Variants in SUCLG2 observed in about 807,000 individuals in gnomAD.
SUCLG2 encodes the protein succinate-CoA ligase GDP-forming subunit beta, also known as succinate--CoA ligase [GDP-forming] subunit beta, mitochondrial.
A neutral mutation model predicts 47.9 loss-of-function variants in SUCLG2; 42 were observed. The ratio of observed to expected loss-of-function variants is 0.88; its 90% CI spans 0.69 to 1.14. SUCLG2 has a LOEUF of 1.14. Ranked by LOEUF, SUCLG2 falls within the 50% of genes most tolerant of loss-of-function variation. The probability of loss-of-function intolerance (pLI) is 0.00; values close to 1 mark genes in which losing one functional copy is unlikely to be tolerated. For synonymous variants in SUCLG2, 195 were observed against 197.3 expected (o/e 0.99, Z 0.10); for missense variants, 571 against 525.9 (o/e 1.09, Z -0.84).
chr3:67,590,473 T>C (rs538354961), intron 2 of SUCLG2, among the ~76,000 whole-genome samples: 2 of 152,262 alleles, frequency 1.3e-5, no homozygotes, highest in East Asian at 3.9e-4. Flanking sequence ...CATGAATGGC[T>C]TGATGCCCTC....
chr3:67,391,154 C>A (rs1036798787), intron 10 of SUCLG2, among the ~76,000 whole-genome samples: 1 of 152,268 alleles, frequency 6.6e-6, no homozygotes, highest in South Asian at 2.1e-4. Flanking sequence ...AATTATCCCA[C>A]CCCCTTCATT....
chr3:67,376,410 T>A, intron 10 of SUCLG2: 1 of 985,458 alleles, frequency 1.0e-6, no homozygotes, highest in Non-Finnish European at 1.2e-6. Flanking sequence ...CTGGTGGATC[T>A]GGAGTATCTT....
chr3:67,364,060 G>A (rs1347816142), intron 10 of SUCLG2, among the ~76,000 whole-genome samples: 1 of 152,144 alleles, frequency 6.6e-6, no homozygotes, highest in Non-Finnish European at 1.5e-5. Context: ...GGACCAGGAA[G>A]GGGCAGCCTA....
intron 10 of SUCLG2, among the ~76,000 whole-genome samples, chr3:67,399,618 G>T (rs1272367900): frequency 6.6e-6 from 1 of 150,742 alleles, no homozygotes; most frequent in Non-Finnish European, 1.5e-5. Flanking sequence ...TAACAAATGT[G>T]ATTTTTTTTA....
intron 10 of SUCLG2, among the ~76,000 whole-genome samples, chr3:67,389,258 T>C (rs1467293738): frequency 2.0e-5 from 3 of 152,002 alleles, no homozygotes; most frequent in Non-Finnish European, 4.4e-5. Flanking sequence ...TTGATGGACT[T>C]GGGAAAGTCA....
At chr3:67,573,988 T>A (rs1707683986) in intron 2 of SUCLG2, among the ~76,000 whole-genome samples, 1 of 152,162 alleles carries the variant, frequency 6.6e-6, no homozygotes, top group African/African-American at 2.4e-5. Context: ...AGAATTCAGT[T>A]CCTGGGCTTG....
At chr3:67,573,760 G>A (rs1344632897) in intron 2 of SUCLG2, among the ~76,000 whole-genome samples, 2 of 152,096 alleles carry the variant, frequency 1.3e-5, no homozygotes, top group Non-Finnish European at 2.9e-5. Context: ...TTGGCCTGGT[G>A]AGAATCCTTG....
At chr3:67,578,551 G>C (rs1707803225) in intron 2 of SUCLG2, among the ~76,000 whole-genome samples, 1 of 152,090 alleles carries the variant, frequency 6.6e-6, no homozygotes, top group Non-Finnish European at 1.5e-5. Context: ...AGAGGGGACA[G>C]GGCAATGAGG....
intron 2 of SUCLG2, among the ~76,000 whole-genome samples, chr3:67,549,156 C>G (rs910584527): frequency 6.6e-5 from 10 of 152,186 alleles, no homozygotes; most frequent in Admixed American, 6.5e-4. Context: ...CCAAGTATTT[C>G]TGTGTGGCTC....
At chr3:67,538,217 T>C (rs930546342) in intron 2 of SUCLG2, among the ~76,000 whole-genome samples, 1 of 152,230 alleles carries the variant, frequency 6.6e-6, no homozygotes, top group Non-Finnish European at 1.5e-5. Flanking sequence ...TATGTTTAAG[T>C]CTTTACTCCA....
Position 67,518,232 on chromosome 3 carries a change from C to T in SUCLG2, c.660+15G>A. On this transcript the variant is annotated intron_variant, in intron 6 of 10. Coordinates refer to ENST00000307227, the MANE Select transcript of SUCLG2 (RefSeq NM_003848.4). ...GAAACAAGTCAGACACACCATCCCC[C>T]AATGGCTTATATACCTGGCTTTTCA... The T allele has an allele frequency of 6.2e-7, 1 of 1,600,694 alleles. No homozygotes were observed. The highest frequency in any genetic ancestry group is 8.5e-7 in the Non-Finnish European group (1 of 1,171,646).
At position 67,526,971 on chromosome 3, in the gene SUCLG2, C is replaced by T. The variant is rs114760136; in HGVS notation, c.417+1161G>A. ...ATGGTTAAACAAACTGTGGTAGGTA[C>T]ATCCATATCATAGATTGCTACATAG... is the stretch of plus-strand genomic sequence containing the variant. On this transcript the variant is annotated intron_variant, in intron 4 of 10. Transcript: ENST00000307227. Among the ~76,000 whole-genome samples, 1,359 of 152,286 alleles carry T rather than the reference C, an allele frequency of 8.9e-3. 8 individuals are homozygous for T. Among genetic ancestry groups the T allele is most frequent in the Non-Finnish European group, 0.015 (1,007 of 68,026 alleles).
intron 1 of SUCLG2, among the ~76,000 whole-genome samples, chr3:67,635,170 C>CATGAG (rs1559606579): frequency 6.6e-6 from 1 of 151,884 alleles, no homozygotes; most frequent in African/African-American, 2.4e-5. Flanking sequence ...AAATACATGA[C>CATGAG]GAAAATCTTC....
At chr3:67,428,197 G>A (rs1320318827) in intron 9 of SUCLG2, among the ~76,000 whole-genome samples, 1 of 152,216 alleles carries the variant, frequency 6.6e-6, no homozygotes, top group Admixed American at 6.5e-5. Flanking sequence ...CCTCCCAGTA[G>A]GGGCCGACTG....
intron 4 of SUCLG2, 101 bp downstream of exon 4, chr3:67,528,031 A>G: frequency 9.8e-7 from 1 of 1,022,486 alleles, no homozygotes; most frequent in Non-Finnish European, 1.5e-6. Context: ...GCACACTGCC[A>G]AAGAGCAGTA....
rs542138270 is a variant in SUCLG2 at position 67,609,308 on chromosome 3, C to T, written c.226+147G>A. Reference sequence around the variant, plus strand: ...ACACATGTACATGAGGCAATCTGGACTTTTTTGCTTTTGCAGTTCTAAGCT... The same window carrying T: ...ACACATGTACATGAGGCAATCTGGATTTTTTTGCTTTTGCAGTTCTAAGCT... On this transcript the variant is annotated intron_variant, in intron 2 of 10. Transcript: ENST00000307227. The T allele has an allele frequency of 9.4e-6, 8 of 847,114 alleles. No homozygotes were observed. In the African/African-American group the frequency reaches 1.4e-4, roughly 15 times the overall value. 52.5% of individuals were successfully genotyped at this position (847,114 alleles called of 1,614,324 possible). A position where few individuals can be genotyped will look rare whatever the true frequency, so the allele number is the denominator to read the frequency against.
chr3:67,564,085 T>A (rs1707389240), intron 2 of SUCLG2, among the ~76,000 whole-genome samples: 1 of 151,962 alleles, frequency 6.6e-6, no homozygotes, highest in Non-Finnish European at 1.5e-5. Flanking sequence ...GAGAAAAACA[T>A]TAAGAATATT....
chr3:67,629,518 A>G (rs748902305), intron 1 of SUCLG2, among the ~76,000 whole-genome samples: 2 of 152,222 alleles, frequency 1.3e-5, no homozygotes, highest in Non-Finnish European at 2.9e-5. Flanking sequence ...GGGCGCCCAT[A>G]TGTGTTCACC....
intron 1 of SUCLG2, among the ~76,000 whole-genome samples, chr3:67,622,370 C>G (rs961944141): frequency 6.6e-6 from 1 of 152,188 alleles, no homozygotes; most frequent in African/African-American, 2.4e-5. Flanking sequence ...TGGAAGGTGA[C>G]ATGCCAAGTT....
Sources: allele counts gnomAD v4.1 joint callset (sites outside exome capture counted in the v4.1 genomes callset), GRCh38; gene constraint gnomAD v4.1.1; transcripts MANE v1.5; gene names NCBI Gene and HGNC (gene_info 2026-07-23, HGNC 2026-07-21).